CLCA1: variants seen among roughly 807,000 people sequenced by gnomAD.
CLCA1 encodes calcium-activated chloride channel regulator 1.
A neutral mutation model predicts 85.6 loss-of-function variants in CLCA1; 59 were observed. That is an observed-to-expected ratio of 0.69 (90% CI 0.56 to 0.86). CLCA1 has a LOEUF of 0.86. Among genes scored for constraint, CLCA1 ranks in the 40% least tolerant of loss-of-function variants. CLCA1 has a pLI of 0.00. For synonymous variants in CLCA1, 396 were observed against 398.3 expected (o/e 0.99, Z 0.07); for missense variants, 1,022 against 1,101.4 (o/e 0.93, Z 1.02).
intron 9 of CLCA1, among the ~76,000 whole-genome samples, chr1:86,493,076 G>C (rs1020916159): frequency 3.3e-5 from 5 of 152,172 alleles, no homozygotes; most frequent in African/African-American, 9.7e-5. Context: ...AGAAGGCTTA[G>C]ATAAATGGAG....
chr1:86,485,303 T>A, intron 5 of CLCA1, 40 bp from the exon 6 acceptor site: 1 of 1,453,670 alleles, frequency 6.9e-7, no homozygotes, highest in Admixed American at 1.7e-5. Flanking sequence ...TTCTACCACA[T>A]AGTTTACCAT....
At chr1:86,476,598 C>A in intron 4 of CLCA1, 45 bp downstream of exon 4, 1 of 963,098 alleles carries the variant, frequency 1.0e-6, no homozygotes, top group Non-Finnish European at 1.6e-6. Context: ...TTTTAAATTG[C>A]AACCTTTTTT....
chr1:86,494,907 A>C (rs1258610271), intron 11 of CLCA1, among the ~76,000 whole-genome samples: 1 of 152,164 alleles, frequency 6.6e-6, no homozygotes, highest in African/African-American at 2.4e-5. Flanking sequence ...AGATAGATTC[A>C]AGCACAGTCC....
chr1:86,473,909 T>C (rs1002852376), intron 3 of CLCA1, 33 bp downstream of exon 3: 8 of 1,523,406 alleles, frequency 5.3e-6, no homozygotes, highest in Non-Finnish European at 6.3e-6. Context: ...TCTCATACAA[T>C]TTAACTATTT....
chr1:86,471,101 G>GCA (rs1273631373), intron 1 of CLCA1, among the ~76,000 whole-genome samples: 1 of 151,956 alleles, frequency 6.6e-6, no homozygotes, highest in Non-Finnish European at 1.5e-5. Flanking sequence ...AAGCTCGTGT[G>GCA]CACACACACA....
chr1:86,469,110 G>A lies in CLCA1; in HGVS notation c.139G>A (p.Glu47Lys). The stretch of plus-strand genomic sequence containing the variant: ...AATCGACCCCAATGTGCCAGAAGAT[G>A]AAACACTCATTCAACAAATAAAGGT... Reference protein sequence around the residue: ...VAIDPNVPEDETLIQQIKDMV... With the variant: ...VAIDPNVPEDKTLIQQIKDMV... Residue 47 changes from glutamate to lysine, a missense_variant, in exon 1 of 14, where the codon GAA (glutamate) becomes AAA (lysine). Transcript: ENST00000394711. 1 of 1,606,450 alleles carries A rather than the reference G, an allele frequency of 6.2e-7. No individual in the cohort carries two copies. Among genetic ancestry groups the A allele is most frequent in the Non-Finnish European group, 8.5e-7 (1 of 1,176,020 alleles).
chr1:86,488,145 C>T (rs5744376), intron 7 of CLCA1, among the ~76,000 whole-genome samples: 8,439 of 152,292 alleles, frequency 0.055, 319 homozygotes, highest in Middle Eastern at 0.14. Flanking sequence ...TTCTGAGATT[C>T]TAGGCCTTTG....
At position 86,491,332 on chromosome 1, in the gene CLCA1, T is replaced by C. The variant is rs776400041; in HGVS notation, c.1425T>C (p.Leu475=). The change falls in exon 9 of 14, where the codon CTT becomes CTC. Residue 475 remains leucine (L), a synonymous_variant. Coordinates refer to ENST00000394711, the MANE Select transcript of CLCA1 (RefSeq NM_001285.4). The stretch of plus-strand genomic sequence containing the variant: ...GCCTCATTGATGCTTTTGGGGCCCT[T>C]TCATCAGGAAATGGAGCTGTCTCTC... ...NNGLIDAFGA[L]SSGNGAVSQR... 2 of 1,613,632 alleles carry C rather than the reference T, an allele frequency of 1.2e-6. No individual in the cohort carries two copies. Among genetic ancestry groups the C allele is most frequent in the African/African-American group, 2.7e-5 (2 of 75,034 alleles).
chr1:86,485,483 A>G lies in CLCA1; in HGVS notation c.876A>G (p.Pro292=), dbSNP rs1430234793. 18 of 1,614,156 alleles carry G rather than the reference A, an allele frequency of 1.1e-5. No homozygotes were observed. Among genetic ancestry groups the G allele is most frequent in the Non-Finnish European group, 1.4e-5 (16 of 1,180,020 alleles). The change falls in exon 6 of 14, where the codon CCA becomes CCG. Residue 292 remains proline, a synonymous_variant. Transcript: ENST00000394711. ...AAACCACTCCTATGACAACACAGCC[A>G]CCAAATCCCACCTTCTCATTGCTGC... The part of the protein sequence containing the change: ...FKKTTPMTTQ[P]PNPTFSLLQI...
In CLCA1 at chr1:86,484,545, C is replaced by A. The variant is rs574295307; in HGVS notation, c.736-798C>A. On this transcript the variant is annotated intron_variant, in intron 5 of 13. Coordinates refer to ENST00000394711, the MANE Select transcript of CLCA1 (RefSeq NM_001285.4). ...GATTGTAATGTATGAACAATTAAAG[C>A]AGAGGAGTAAGAGGAAAGACTCTCA... Among the ~76,000 whole-genome samples, 56 of 152,186 alleles carry A rather than the reference C, an allele frequency of 3.7e-4. No homozygotes were observed. In the South Asian group the frequency reaches 5.4e-3, roughly 15 times the overall value.
At position 86,469,004 on chromosome 1, in the gene CLCA1, G is replaced by C. The variant is rs542367977; in HGVS notation, c.33G>C (p.Leu11Phe). 2.5e-6 allele frequency: 4 copies of C among 1,612,664 alleles called. No individual in the cohort carries two copies. In the East Asian group the frequency reaches 8.9e-5, roughly 36 times the overall value. The change falls in exon 1 of 14, where the codon TTG (leucine) becomes TTC (phenylalanine). Residue 11 changes from leucine to phenylalanine, a missense_variant. Transcript: ENST00000394711. ...CATTTAAGAGTTCTGTGTTCATCTT[G>C]ATTCTTCACCTTCTAGAAGGGGCCC... MGPFKSSVFI[L>F]ILHLLEGALS...
Position 86,486,753 on chromosome 1 carries a change from T to G in CLCA1, c.1182T>G (p.Thr394=). The G allele has an allele frequency of 6.2e-7, 1 of 1,613,070 alleles. No individual in the cohort carries two copies. The highest frequency in any genetic ancestry group is 8.5e-7 in the Non-Finnish European group (1 of 1,178,978). Residue 394 remains threonine (T), a splice_region_variant and synonymous_variant, in exon 7 of 14, where the codon ACT becomes ACG. Coordinates refer to ENST00000394711, the MANE Select transcript of CLCA1 (RefSeq NM_001285.4). ...GCAGCGGGCTTCGATCGGCATTTAC[T>G]GTGAGATGTGTTTTTCTATTGTAGT... The part of the protein sequence containing the change: ...SICSGLRSAF[T]VIRKKYPTDG...
At chr1:86,498,518 G>A in intron 12 of CLCA1, 54 bp from the exon 13 acceptor site, 2 of 1,572,880 alleles carry the variant, frequency 1.3e-6, no homozygotes, top group Non-Finnish European at 1.7e-6. Flanking sequence ...ACAGACGGAG[G>A]TGTCACCATT....
At chr1:86,494,066 C>G in intron 10 of CLCA1, 121 bp from the exon 11 acceptor site, 2 of 1,104,388 alleles carry the variant, frequency 1.8e-6, no homozygotes, top group South Asian at 1.5e-5. Context: ...AACATGCACA[C>G]CTCTTCTTAG....
intron 4 of CLCA1, among the ~76,000 whole-genome samples, chr1:86,476,934 G>C (rs1647651916): frequency 2.0e-5 from 3 of 152,092 alleles, no homozygotes; most frequent in Admixed American, 2.0e-4. Context: ...TTTTGAGAAA[G>C]GGTCTTACTC....
At position 86,495,524 on chromosome 1, in the gene CLCA1, T is replaced by A. The variant is rs1648253067; in HGVS notation, c.1962T>A (p.Asp654Glu). 6.2e-7 allele frequency: 1 copy of A among 1,613,644 alleles called. No homozygotes were observed. The highest frequency in any genetic ancestry group is 1.7e-5 in the Admixed American group (1 of 59,982). ...DNGAGADATK[D>E]DGVYSRYFTT... ...ATCAAGGTGCTGATGCTACTAAGGA[T>A]GACGGTGTCTACTCAAGGTATTTCA... Residue 654 changes from aspartate to glutamate, a missense_variant, in exon 12 of 14, where the codon GAT becomes GAA. Asp to Glu is a conservative substitution (Grantham distance 45, BLOSUM62 2). Coordinates refer to ENST00000394711, the MANE Select transcript of CLCA1 (RefSeq NM_001285.4).
chr1:86,469,838 A>G (rs571676298), intron 1 of CLCA1, among the ~76,000 whole-genome samples: 58 of 152,314 alleles, frequency 3.8e-4, no homozygotes, highest in African/African-American at 1.3e-3. Flanking sequence ...GCAGTGCTGT[A>G]CTAGTAACAG....
In CLCA1 at chr1:86,494,347, T is replaced by G. The variant is rs746029723; in HGVS notation, c.1841T>G (p.Ile614Ser). ...AGCCCTCTGGTAGTTTATGCAAATA[T>G]TCGCCAAGGAGCCTCCCCAATTCTC... ...FPSPLVVYAN[I>S]RQGASPILRA... is the part of the protein sequence containing the mutation. The change falls in exon 11 of 14, where the codon ATT (isoleucine) becomes AGT (serine). Residue 614 changes from isoleucine (I) to serine (S), a missense_variant. Transcript: ENST00000394711. 8.1e-6 allele frequency: 13 copies of G among 1,614,190 alleles called. No homozygotes were observed. The highest frequency in any genetic ancestry group is 9.3e-6 in the Non-Finnish European group (11 of 1,180,026).
At chr1:86,477,560 C>G (rs1051465125) in intron 4 of CLCA1, among the ~76,000 whole-genome samples, 1 of 152,112 alleles carries the variant, frequency 6.6e-6, no homozygotes, top group Non-Finnish European at 1.5e-5. Flanking sequence ...TAGTACAACT[C>G]AGATACTAAA....
Sources: gnomAD v4.1 joint callset for allele counts (sites outside exome capture counted in the v4.1 genomes callset) on GRCh38, gnomAD v4.1.1 for gene constraint, MANE v1.5 for transcripts, NCBI Gene and HGNC (gene_info 2026-07-23, HGNC 2026-07-21) for gene names.